The following SLC6A5 variants were observed in gnomAD, a reference collection of about 807,000 sequenced individuals.
SLC6A5 encodes the protein solute carrier family 6 member 5, also known as sodium- and chloride-dependent glycine transporter 2.
In SLC6A5, 58 loss-of-function variants were observed where a neutral mutation model predicts 90.5. The observed-to-expected ratio is 0.64, with a 90% CI of 0.52 to 0.80. SLC6A5 has a LOEUF of 0.80. SLC6A5 is among the 30% of genes least tolerant of loss of function. The pLI, the probability that SLC6A5 is intolerant of heterozygous loss-of-function variation, is 0.00. For synonymous variants in SLC6A5, 427 were observed against 401.4 expected (o/e 1.06, Z -0.76); for missense variants, 1,015 against 1,017.6 (o/e 1.00, Z 0.03).
chr11:20,630,089 C>A (rs1489847862), intron 9 of SLC6A5, among the ~76,000 whole-genome samples: 2 of 152,136 alleles, frequency 1.3e-5, no homozygotes, highest in African/African-American at 4.8e-5. Flanking sequence ...TCCTACCTAG[C>A]TATATTTTTG....
chr11:20,643,191 T>A (rs1853346103), intron 13 of SLC6A5, among the ~76,000 whole-genome samples: 3 of 152,026 alleles, frequency 2.0e-5, no homozygotes, highest in South Asian at 2.1e-4. Context: ...GCAACAGGAT[T>A]GATGCTAATA....
intron 15 of SLC6A5, among the ~76,000 whole-genome samples, chr11:20,653,046 TA>T (rs1853571704): frequency 6.6e-6 from 1 of 152,202 alleles, no homozygotes; most frequent in Admixed American, 6.5e-5. Flanking sequence ...TTCCCATCTC[TA>T]ATGTGAAGAA....
At chr11:20,627,854 T>A in intron 8 of SLC6A5, 126 bp from the exon 9 acceptor site, 1 of 730,266 alleles carries the variant, frequency 1.4e-6, no homozygotes, top group South Asian at 1.4e-5. Context: ...TTGATGTTGA[T>A]GTCGGGGGTC....
chr11:20,616,624 A>C (rs1852787757), intron 6 of SLC6A5, among the ~76,000 whole-genome samples: 1 of 152,214 alleles, frequency 6.6e-6, no homozygotes, highest in Non-Finnish European at 1.5e-5. Context: ...TTGCTTGGCA[A>C]ATATGGTCCT....
At chr11:20,622,723 A>C (rs189396311) in intron 7 of SLC6A5, among the ~76,000 whole-genome samples, 2 of 152,200 alleles carry the variant, frequency 1.3e-5, no homozygotes, top group African/African-American at 4.8e-5. Context: ...TCTTAAACTC[A>C]TGCCAGCCTT....
Position 20,601,435 on chromosome 11 carries a change from C to G in SLC6A5, c.310C>G (p.Gln104Glu). The change falls in exon 2 of 16, where the codon CAG becomes GAG. Residue 104 changes from glutamine to glutamate, a missense_variant. Physicochemically the swap from Gln to Glu is conservative, Grantham distance 29. Transcript: ENST00000525748. Reference protein sequence around the residue: ...LRDLREAQGAQASPPPGSSGP... With the variant: ...LRDLREAQGAEASPPPGSSGP... ...GGACTTGAGAGAGGCGCAAGGCGCG[C>G]AGGCCTCGCCCCCTCCCGGGAGCTC... The G allele has an allele frequency of 6.2e-7, 1 of 1,606,364 alleles. No homozygotes were observed. The highest frequency in any genetic ancestry group is 1.3e-5 in the African/African-American group (1 of 74,942).
rs537206510 is a variant in SLC6A5, at chr11:20,620,693, T to G, written c.1260+2809T>G. Among the ~76,000 whole-genome samples, 13 of 152,306 alleles carry G rather than the reference T, an allele frequency of 8.5e-5. No individual in the cohort carries two copies. The East Asian group carries it at 2.5e-3, about 29-fold the overall frequency. On this transcript the variant is annotated intron_variant, in intron 7 of 15. Coordinates refer to ENST00000525748, the MANE Select transcript of SLC6A5 (RefSeq NM_004211.5). ...AGAGAGAGACTGAGGCTTGTCAAGG[T>G]AGAGTAAATTGCCTGAAGTCACAGA...
intron 6 of SLC6A5, 24 bp from the exon 7 acceptor site, chr11:20,617,728 C>A (rs556556536): frequency 4.3e-6 from 7 of 1,609,918 alleles, no homozygotes; most frequent in Admixed American, 1.7e-5. Flanking sequence ...TATCACTCCC[C>A]CCATCCCTCC....
intron 12 of SLC6A5, among the ~76,000 whole-genome samples, chr11:20,638,221 G>A (rs1453774717): frequency 6.6e-6 from 1 of 152,068 alleles, no homozygotes; most frequent in African/African-American, 2.4e-5. Flanking sequence ...GCTTTTTTTG[G>A]TGCTTGTTAT....
At chr11:20,610,498 G>A (rs1262305872) in intron 5 of SLC6A5, among the ~76,000 whole-genome samples, 1 of 152,236 alleles carries the variant, frequency 6.6e-6, no homozygotes, top group African/African-American at 2.4e-5. Flanking sequence ...GAGAGATTTG[G>A]TGTTTGCCCT....
At chr11:20,606,162 A>C (rs903901821) in intron 3 of SLC6A5, among the ~76,000 whole-genome samples, 9 of 152,196 alleles carry the variant, frequency 5.9e-5, no homozygotes, top group African/African-American at 2.2e-4. Context: ...AACCTCAAAG[A>C]ATGCTGAAGG....
intron 7 of SLC6A5, among the ~76,000 whole-genome samples, chr11:20,618,941 G>A (rs991004936): frequency 4.2e-4 from 29 of 69,612 alleles, no homozygotes; most frequent in African/African-American, 1.6e-3. Flanking sequence ...ATCCTGTCCC[G>A]CCCGACACAC....
At chr11:20,615,943 G>T (rs962379938) in intron 6 of SLC6A5, among the ~76,000 whole-genome samples, 1 of 152,176 alleles carries the variant, frequency 6.6e-6, no homozygotes, top group Admixed American at 6.5e-5. Flanking sequence ...TGATGCCAGA[G>T]CTTCTATTTT....
intron 5 of SLC6A5, among the ~76,000 whole-genome samples, chr11:20,611,726 C>T (rs1027138460): frequency 4.6e-5 from 7 of 151,030 alleles, no homozygotes; most frequent in African/African-American, 1.7e-4. Context: ...CAGATCCTAT[C>T]TCATTCTTAC....
At chr11:20,609,443 G>C (rs749175730) in intron 5 of SLC6A5, among the ~76,000 whole-genome samples, 3 of 152,086 alleles carry the variant, frequency 2.0e-5, no homozygotes, top group Non-Finnish European at 2.9e-5. Context: ...TGGAATTCTG[G>C]GGTGACTTAG....
chr11:20,613,128 T>A (rs1852723965), intron 5 of SLC6A5, among the ~76,000 whole-genome samples: 1 of 152,244 alleles, frequency 6.6e-6, no homozygotes, highest in Non-Finnish European at 1.5e-5. Context: ...AGAGAGCTTG[T>A]TTACATCCTG....
At chr11:20,646,304 G>A (rs941223692) in intron 13 of SLC6A5, among the ~76,000 whole-genome samples, 4 of 152,128 alleles carry the variant, frequency 2.6e-5, no homozygotes, top group Admixed American at 1.3e-4. Context: ...TGGAATTTAC[G>A]TTGGTTTTTG....
Position 20,617,839 on chromosome 11 carries a change from C to A in SLC6A5, c.1215C>A (p.Val405=). 6.2e-7 allele frequency: 1 copy of A among 1,613,934 alleles called. No homozygotes were observed. The highest frequency in any genetic ancestry group is 8.5e-7 in the Non-Finnish European group (1 of 1,179,854). Residue 405 remains valine (V), a synonymous_variant, in exon 7 of 16, where the codon GTC becomes GTA. Coordinates refer to ENST00000525748, the MANE Select transcript of SLC6A5 (RefSeq NM_004211.5). The part of the protein sequence containing the change: ...PLALCLFLAW[V]IVYASLAKGI... ...CTCTCTGCCTCTTCCTGGCTTGGGTCATTGTGTATGCATCATTGGCTAAAG... is the reference window on the plus strand; with the variant it reads ...CTCTCTGCCTCTTCCTGGCTTGGGTAATTGTGTATGCATCATTGGCTAAAG...
At chr11:20,630,289 A>T (rs1280579257) in intron 9 of SLC6A5, among the ~76,000 whole-genome samples, 2 of 152,172 alleles carry the variant, frequency 1.3e-5, no homozygotes, top group African/African-American at 2.4e-5. Context: ...AGCCTATTTT[A>T]TAAGGGCACT....
Sources: gnomAD v4.1 joint callset for allele counts (sites outside exome capture counted in the v4.1 genomes callset) on GRCh38, gnomAD v4.1.1 for gene constraint, MANE v1.5 for transcripts, NCBI Gene and HGNC (gene_info 2026-07-23, HGNC 2026-07-21) for gene names.